TRPC4: variants seen among roughly 807,000 people sequenced by gnomAD.
TRPC4 encodes short transient receptor potential channel 4.
A neutral mutation model predicts 99.4 loss-of-function variants in TRPC4; 49 were observed. The ratio of observed to expected loss-of-function variants is 0.49; its 90% CI spans 0.39 to 0.63. The LOEUF is 0.63. TRPC4 is among the 20% of genes least tolerant of loss of function. The pLI is 0.00. For synonymous variants in TRPC4, 454 were observed against 425.9 expected, an observed-to-expected ratio of 1.07 and a Z score of -0.81; for missense variants, 898 against 1,152.9, an observed-to-expected ratio of 0.78 and a Z score of 3.20.
chr13:37,808,051 A>G (rs1957575478), intron 1 of TRPC4, among the ~76,000 whole-genome samples: 2 of 151,968 alleles, frequency 1.3e-5, no homozygotes, highest in Non-Finnish European at 2.9e-5. Context: ...CCTATATCTT[A>G]TTTAGCAGAA....
At chr13:37,720,432 C>T (rs1437126689) in intron 3 of TRPC4, among the ~76,000 whole-genome samples, 1 of 151,976 alleles carries the variant, frequency 6.6e-6, no homozygotes, top group African/African-American at 2.4e-5. Flanking sequence ...ACATGAGAAA[C>T]CGAGCAATGA....
At chr13:37,727,971 A>T (rs1227362778) in intron 3 of TRPC4, among the ~76,000 whole-genome samples, 2 of 152,090 alleles carry the variant, frequency 1.3e-5, no homozygotes, top group East Asian at 3.8e-4. Flanking sequence ...ATTCAGGAAA[A>T]TTATTTGACA....
chr13:37,660,840 C>T (rs1329335335), intron 6 of TRPC4, among the ~76,000 whole-genome samples: 1 of 152,050 alleles, frequency 6.6e-6, no homozygotes, highest in Non-Finnish European at 1.5e-5. Context: ...CCAAAGAAAG[C>T]ACAGAAGTAA....
At chr13:37,849,853 C>T (rs1959010272) in intron 1 of TRPC4, among the ~76,000 whole-genome samples, 1 of 152,144 alleles carries the variant, frequency 6.6e-6, no homozygotes, top group African/African-American at 2.4e-5. Flanking sequence ...CATCATCTGG[C>T]ACAGATTAAA....
Position 37,757,683 on chromosome 13 carries a change from A to C in TRPC4, c.379-11228T>G, listed in dbSNP as rs138352705. Among the ~76,000 whole-genome samples, 1,095 of 152,020 alleles carry C rather than the reference A, an allele frequency of 7.2e-3. 6 individuals are homozygous for C. Among genetic ancestry groups the C allele is most frequent in the Middle Eastern group, 0.031 (9 of 294 alleles). ...ACAAATATTTACTTCATGCAGAAAA[A>C]TTCTGGAGATCTGGGGAAAGATCCA... On this transcript the variant is annotated intron_variant, in intron 2 of 10. Coordinates refer to ENST00000379705, the MANE Select transcript of TRPC4 (RefSeq NM_016179.4).
intron 8 of TRPC4, among the ~76,000 whole-genome samples, chr13:37,644,891 AAG>A (rs1555249098): frequency 9.5e-5 from 14 of 148,116 alleles, no homozygotes; most frequent in South Asian, 4.2e-4. Flanking sequence ...AAAAAAAAAA[AAG>A]AAAGAAATTT....
chr13:37,732,836 C>G lies in TRPC4; in HGVS notation c.897+13101G>C, dbSNP rs369022947. Among the ~76,000 whole-genome samples, 15 of 152,198 alleles carry G rather than the reference C, an allele frequency of 9.9e-5. 1 individual carries two copies. Among genetic ancestry groups the G allele is most frequent in the East Asian group, 7.7e-4 (4 of 5,186 alleles). On this transcript the variant is annotated intron_variant, in intron 3 of 10. Coordinates refer to ENST00000379705, the MANE Select transcript of TRPC4 (RefSeq NM_016179.4). ...TAGATGACATAAACAAATGGAGAAACGTGCCATGCTCACAGATCAAAATTA... is the reference window on the plus strand; with the variant it reads ...TAGATGACATAAACAAATGGAGAAAGGTGCCATGCTCACAGATCAAAATTA...
At chr13:37,644,060 T>G (rs891184044) in intron 8 of TRPC4, among the ~76,000 whole-genome samples, 3 of 152,216 alleles carry the variant, frequency 2.0e-5, no homozygotes, top group Non-Finnish European at 2.9e-5. Flanking sequence ...CAACCTATCT[T>G]TTTTGAAGGG....
At chr13:37,827,177 AT>A (rs1235213885) in intron 1 of TRPC4, among the ~76,000 whole-genome samples, 1 of 151,496 alleles carries the variant, frequency 6.6e-6, no homozygotes, top group East Asian at 1.9e-4. Context: ...CATTCTTCTA[AT>A]TTTTTTTCAA....
In TRPC4 at chr13:37,724,647, G is replaced by A. The variant is rs1385093600; in HGVS notation, c.897+21290C>T. 4.6e-5 allele frequency among the ~76,000 whole-genome samples: 7 copies of A among 152,150 alleles called. No homozygotes were observed. In the East Asian group the frequency reaches 5.8e-4, roughly 13 times the overall value. ...TCCACATCCATAATAAGGATATTAG[G>A]TAAAACAATCTAAGTAGTTGGTAAC... On this transcript the variant is annotated intron_variant, in intron 3 of 10. Transcript: ENST00000379705.
At chr13:37,646,659 G>A (rs1374111570) in intron 8 of TRPC4, among the ~76,000 whole-genome samples, 1 of 152,194 alleles carries the variant, frequency 6.6e-6, no homozygotes, top group Non-Finnish European at 1.5e-5. Context: ...TCTAGTTAAA[G>A]TTGTAAACTG....
intron 1 of TRPC4, among the ~76,000 whole-genome samples, chr13:37,819,506 T>A (rs919564421): frequency 6.6e-6 from 1 of 151,986 alleles, no homozygotes; most frequent in Non-Finnish European, 1.5e-5. Context: ...AAGAACAAGA[T>A]CATGTCCCTT....
At chr13:37,755,424 TTTTTTTA>T (rs1051212609) in intron 2 of TRPC4, among the ~76,000 whole-genome samples, 49 of 14,002 alleles carry the variant, frequency 3.5e-3, no homozygotes, top group Non-Finnish European at 0.011. Context: ...ACCTGGATAA[TTTTTTTA>T]TTTTTTATTT....
chr13:37,703,651 A>G (rs1321804559), intron 3 of TRPC4, among the ~76,000 whole-genome samples: 2 of 152,048 alleles, frequency 1.3e-5, no homozygotes, highest in African/African-American at 4.8e-5. Flanking sequence ...ACCTATTAGA[A>G]TGACTAAAAT....
chr13:37,849,190 T>G (rs1264938039), intron 1 of TRPC4, among the ~76,000 whole-genome samples: 1 of 152,192 alleles, frequency 6.6e-6, no homozygotes, highest in Admixed American at 6.5e-5. Flanking sequence ...GATTCTGGAT[T>G]ACTATGCCAT....
intron 8 of TRPC4, among the ~76,000 whole-genome samples, chr13:37,645,107 G>A (rs1175080526): frequency 6.6e-6 from 1 of 151,872 alleles, no homozygotes; most frequent in Non-Finnish European, 1.5e-5. Context: ...ACTGTGTGTG[G>A]AATATTCCTT....
At chr13:37,797,496 T>A (rs1328528810) in intron 1 of TRPC4, among the ~76,000 whole-genome samples, 2 of 152,180 alleles carry the variant, frequency 1.3e-5, no homozygotes, top group Non-Finnish European at 2.9e-5. Context: ...ACTAAGTATT[T>A]AACATCCTGA....
At chr13:37,694,528 C>T (rs893760885) in intron 3 of TRPC4, among the ~76,000 whole-genome samples, 1 of 152,118 alleles carries the variant, frequency 6.6e-6, no homozygotes, top group Non-Finnish European at 1.5e-5. Flanking sequence ...TTGCTGGATA[C>T]ACACATATAT....
chr13:37,656,191 A>G (rs950320006), intron 6 of TRPC4, among the ~76,000 whole-genome samples: 1 of 152,200 alleles, frequency 6.6e-6, no homozygotes, highest in East Asian at 1.9e-4. Context: ...TCTGAACTCA[A>G]ATGGAGAATT....
Sources: gnomAD v4.1 joint callset for allele counts (sites outside exome capture counted in the v4.1 genomes callset) on GRCh38, gnomAD v4.1.1 for gene constraint, MANE v1.5 for transcripts, NCBI Gene and HGNC (gene_info 2026-07-23, HGNC 2026-07-21) for gene names.